Variants in DLC1 observed in about 807,000 individuals in gnomAD.
DLC1 encodes DLC1 Rho GTPase activating protein, also known as rho GTPase-activating protein 7.
DLC1 carries 54 observed loss-of-function variants against 140.3 expected under a neutral mutation model. That is an observed-to-expected ratio of 0.38 (90% CI 0.31 to 0.48). DLC1 has a LOEUF of 0.48. Among genes scored for constraint, DLC1 ranks in the 20% least tolerant of loss-of-function variants. The pLI, the probability that DLC1 is intolerant of heterozygous loss-of-function variation, is 0.96. For synonymous variants in DLC1, 986 were observed against 728.1 expected, an observed-to-expected ratio of 1.35 and a Z score of -5.70; for missense variants, 2,536 against 1,907.0, an observed-to-expected ratio of 1.33 and a Z score of -6.14.
chr8:13,247,363 C>A (rs1829810264), intron 5 of DLC1, among the ~76,000 whole-genome samples: 1 of 152,180 alleles, frequency 6.6e-6, no homozygotes, highest in Non-Finnish European at 1.5e-5. Context: ...AGACACAATA[C>A]CTTTCAAAGA....
intron 5 of DLC1, among the ~76,000 whole-genome samples, chr8:13,142,948 C>G (rs912172030): frequency 6.6e-6 from 1 of 151,526 alleles, no homozygotes; most frequent in Non-Finnish European, 1.5e-5. Context: ...ACTTTGGAGG[C>G]TGAGGCAGGA....
intron 4 of DLC1, among the ~76,000 whole-genome samples, chr8:13,367,445 G>C (rs1042124241): frequency 6.6e-6 from 1 of 152,120 alleles, no homozygotes; most frequent in African/African-American, 2.4e-5. Flanking sequence ...TCATTAGGGG[G>C]CCCAATAGAA....
chr8:13,312,056 G>GT (rs1220243959), intron 4 of DLC1, among the ~76,000 whole-genome samples: 2 of 152,054 alleles, frequency 1.3e-5, no homozygotes, highest in Admixed American at 6.5e-5. Flanking sequence ...ATTATTCTAA[G>GT]TTTTTTTAAA....
chr8:13,539,308 T>C lies in DLC1; in HGVS notation c.-125-39112A>G, dbSNP rs183807225. ...TCTGCCTCCTGAGTTCACACCATTCTCCTGCCTTAGCCTCCTAAGTAACTG... is the reference window on the plus strand; with the variant it reads ...TCTGCCTCCTGAGTTCACACCATTCCCCTGCCTTAGCCTCCTAAGTAACTG... On this transcript the variant is annotated intron_variant, in intron 1 of 1. Coordinates refer to the DLC1 transcript ENST00000631382. Among the ~76,000 whole-genome samples, 23 of 152,256 alleles carry C rather than the reference T, an allele frequency of 1.5e-4. No homozygotes were observed. In the East Asian group the frequency reaches 4.5e-3, roughly 29 times the overall value.
chr8:13,122,012 C>T (rs563637281), intron 5 of DLC1, among the ~76,000 whole-genome samples: 7 of 152,166 alleles, frequency 4.6e-5, no homozygotes, highest in Non-Finnish European at 8.8e-5. Flanking sequence ...TGTATTCCTT[C>T]GTCCTGGACT....
intron 5 of DLC1, among the ~76,000 whole-genome samples, chr8:13,122,532 G>A (rs1312527786): frequency 2.0e-5 from 3 of 152,030 alleles, no homozygotes; most frequent in Admixed American, 6.6e-5. Context: ...TTCTTTAAAG[G>A]CAGACTGAAA....
intron 1 of DLC1, among the ~76,000 whole-genome samples, chr8:13,589,180 G>A (rs755499134): frequency 7.2e-5 from 11 of 151,960 alleles, no homozygotes; most frequent in South Asian, 2.1e-4. Context: ...ACAGGCTGTC[G>A]TCAGTTTATA....
At chr8:13,238,120 G>T (rs1011559778) in intron 5 of DLC1, among the ~76,000 whole-genome samples, 1 of 152,142 alleles carries the variant, frequency 6.6e-6, no homozygotes, top group Non-Finnish European at 1.5e-5. Context: ...GTGTATGTGG[G>T]TGTGTGCATG....
intron 2 of DLC1, among the ~76,000 whole-genome samples, chr8:13,441,363 A>G (rs1053005729): frequency 3.9e-5 from 6 of 152,208 alleles, no homozygotes; most frequent in Non-Finnish European, 5.9e-5. Flanking sequence ...GGCCAGGGCA[A>G]TCAGGCAGGA....
chr8:13,092,126 T>A (rs572504191), intron 13 of DLC1, among the ~76,000 whole-genome samples: 2 of 152,186 alleles, frequency 1.3e-5, no homozygotes, highest in South Asian at 2.1e-4. Flanking sequence ...GCACCTATAG[T>A]CCCAGCTACT....
intron 2 of DLC1, among the ~76,000 whole-genome samples, chr8:13,422,425 G>A (rs940935866): frequency 1.3e-4 from 20 of 151,624 alleles, no homozygotes; most frequent in African/African-American, 4.6e-4. Context: ...TTACCAATGA[G>A]TATGTTGTCT....
intron 5 of DLC1, among the ~76,000 whole-genome samples, chr8:13,124,122 A>G (rs1020815786): frequency 6.6e-6 from 1 of 152,220 alleles, no homozygotes; most frequent in Non-Finnish European, 1.5e-5. Flanking sequence ...TTTGAAATGC[A>G]CTATTCTCAT....
chr8:13,287,862 T>C (rs1282591125), intron 5 of DLC1, among the ~76,000 whole-genome samples: 2 of 151,678 alleles, frequency 1.3e-5, no homozygotes, highest in African/African-American at 2.4e-5. Context: ...TATTATAAGG[T>C]AGATTTTCCT....
At chr8:13,238,000 G>A (rs1046438015) in intron 5 of DLC1, among the ~76,000 whole-genome samples, 4 of 152,156 alleles carry the variant, frequency 2.6e-5, no homozygotes, top group Non-Finnish European at 5.9e-5. Flanking sequence ...AGGTGAAAAT[G>A]CCATCCTAAC....
intron 5 of DLC1, among the ~76,000 whole-genome samples, chr8:13,251,793 A>G (rs1184289987): frequency 2.6e-5 from 4 of 152,208 alleles, no homozygotes; most frequent in Non-Finnish European, 4.4e-5. Flanking sequence ...TCTGTTTGAA[A>G]GTATTCCATG....
At chr8:13,318,979 A>G (rs542965676) in intron 4 of DLC1, among the ~76,000 whole-genome samples, 22 of 152,184 alleles carry the variant, frequency 1.4e-4, no homozygotes, top group Non-Finnish European at 3.1e-4. Flanking sequence ...AAGAAACACA[A>G]TTGAGTGAGG....
chr8:13,149,960 C>T (rs932598148), intron 5 of DLC1, among the ~76,000 whole-genome samples: 2 of 152,184 alleles, frequency 1.3e-5, no homozygotes, highest in Non-Finnish European at 2.9e-5. Flanking sequence ...AAGAAATCTT[C>T]TCAAGGAAAT....
intron 2 of DLC1, among the ~76,000 whole-genome samples, chr8:13,424,945 T>A (rs917007811): frequency 4.6e-5 from 7 of 152,192 alleles, no homozygotes; most frequent in African/African-American, 1.7e-4. Flanking sequence ...GCATATGGAA[T>A]ATAAATGGCT....
rs566652172 is a variant in DLC1 at position 13,232,639 on chromosome 8, A to C, written c.1348+72630T>G. 2.6e-5 allele frequency among the ~76,000 whole-genome samples: 4 copies of C among 152,164 alleles called. No individual in the cohort carries two copies. In the South Asian group the frequency reaches 8.3e-4, roughly 32 times the overall value. ...AGCCACGGTGCCCCGCCTCTGCTAC[A>C]GTCTTGGCATGACAACAGAGCCCTA... On this transcript the variant is annotated intron_variant, in intron 5 of 17. Coordinates refer to ENST00000276297, the MANE Select transcript of DLC1 (RefSeq NM_182643.3).
Sources: gnomAD v4.1 joint callset for allele counts (sites outside exome capture counted in the v4.1 genomes callset) on GRCh38, gnomAD v4.1.1 for gene constraint, MANE v1.5 for transcripts, NCBI Gene and HGNC (gene_info 2026-07-23, HGNC 2026-07-21) for gene names.